Variants in ANTXRL observed in about 807,000 individuals in gnomAD.
ANTXRL encodes the protein anthrax toxin receptor-like.
Under a neutral mutation model 75.4 loss-of-function variants are expected in ANTXRL, and 63 were observed. The observed-to-expected ratio is 0.84, with a 90% CI of 0.68 to 1.03. ANTXRL has a LOEUF of 1.03. Ranked by LOEUF, ANTXRL falls within the 50% of genes least tolerant of loss-of-function variation. The probability of loss-of-function intolerance (pLI) is 0.00; values close to 1 mark genes in which losing one functional copy is unlikely to be tolerated. For synonymous variants in ANTXRL, 335 were observed against 291.3 expected (o/e 1.15, Z -1.53); for missense variants, 797 against 789.4 (o/e 1.01, Z -0.12).
At chr10:46,325,169 C>T (rs188797537) in intron 16 of ANTXRL, among the ~76,000 whole-genome samples, 50 of 152,108 alleles carry the variant, frequency 3.3e-4, no homozygotes, top group Non-Finnish European at 5.9e-4. Context: ...ATCCCTGAGC[C>T]CTGTCTATTT....
chr10:46,304,641 C>G lies in ANTXRL; in HGVS notation c.895+1821C>G, dbSNP rs3013797. Among the ~76,000 whole-genome samples, 815 of 152,246 alleles carry G rather than the reference C, an allele frequency of 5.4e-3. 13 individuals carry two copies. Among genetic ancestry groups the G allele is most frequent in the African/African-American group, 0.019 (775 of 41,504 alleles). On this transcript the variant is annotated intron_variant, in intron 10 of 16. Coordinates refer to ENST00000620264, the MANE Select transcript of ANTXRL (RefSeq NM_001278688.3). ...TGTAGCCTTTCTTAGCCCTATTTGT[C>G]ATGGATTTTATTTTATTTTTTAACA... is the stretch of plus-strand genomic sequence containing the variant.
intron 16 of ANTXRL, among the ~76,000 whole-genome samples, chr10:46,328,973 A>G (rs533155348): frequency 6.6e-6 from 1 of 152,274 alleles, no homozygotes; most frequent in African/African-American, 2.4e-5. Context: ...GATCATGAGC[A>G]TAAGAAGCCA....
At chr10:46,303,982 G>C (rs1437249819) in intron 10 of ANTXRL, among the ~76,000 whole-genome samples, 3 of 152,112 alleles carry the variant, frequency 2.0e-5, no homozygotes, top group Non-Finnish European at 4.4e-5. Context: ...CCCCCAAGAG[G>C]CTTCTTGACC....
intron 9 of ANTXRL, among the ~76,000 whole-genome samples, chr10:46,301,996 C>G (rs1475673047): frequency 2.6e-5 from 4 of 151,984 alleles, no homozygotes; most frequent in Non-Finnish European, 4.4e-5. Flanking sequence ...AGGGCAGGAG[C>G]TACAGTGGTG....
chr10:46,306,469 G>C (rs1321080192), intron 10 of ANTXRL, among the ~76,000 whole-genome samples: 1 of 152,084 alleles, frequency 6.6e-6, no homozygotes, highest in Non-Finnish European at 1.5e-5. Context: ...TTCCTCTCTG[G>C]TTCCCTCACC....
At chr10:46,310,322 G>A in intron 13 of ANTXRL, 139 bp from the exon 14 acceptor site, 1 of 805,370 alleles carries the variant, frequency 1.2e-6, no homozygotes, top group Middle Eastern at 2.2e-4. Context: ...AAGTTCACAG[G>A]CTCAGGGTGG....
intron 16 of ANTXRL, among the ~76,000 whole-genome samples, chr10:46,326,622 C>T (rs1267413750): frequency 2.6e-5 from 4 of 152,084 alleles, no homozygotes; most frequent in Admixed American, 2.6e-4. Context: ...GCCTTATAGT[C>T]TGGGTGGTGC....
chr10:46,325,325 C>T (rs942465310), intron 16 of ANTXRL, among the ~76,000 whole-genome samples: 1 of 152,104 alleles, frequency 6.6e-6, no homozygotes, highest in Non-Finnish European at 1.5e-5. Context: ...AAGGCATCTA[C>T]CTTGGGGTAA....
chr10:46,308,429 TC>T (rs1838228064), intron 12 of ANTXRL: 1 of 95,946 alleles, frequency 1.0e-5, no homozygotes, highest in Non-Finnish European at 2.2e-5. Flanking sequence ...CCTCCCCTCC[TC>T]TCCACTCCCC....
intron 14 of ANTXRL, among the ~76,000 whole-genome samples, chr10:46,310,764 T>C (rs547717652): frequency 1.3e-5 from 2 of 152,192 alleles, no homozygotes; most frequent in African/African-American, 2.4e-5. Context: ...TGATCTGTCC[T>C]GAATAAATGG....
rs1330261480 is a variant in ANTXRL, at chr10:46,304,186, G to C, written c.895+1366G>C. Among the ~76,000 whole-genome samples, 4 of 152,102 alleles carry C rather than the reference G, an allele frequency of 2.6e-5. No homozygotes were observed. In the East Asian group the frequency reaches 5.8e-4, roughly 22 times the overall value. ...TTACTGAGCACTTATATCAGATATC[G>C]TGCCAAGTGCCTTATGCACACTATC... On this transcript the variant is annotated intron_variant, in intron 10 of 16. Transcript: ENST00000620264.
At chr10:46,311,084 G>A (rs1838393010) in intron 14 of ANTXRL, among the ~76,000 whole-genome samples, 2 of 152,200 alleles carry the variant, frequency 1.3e-5, no homozygotes, top group Admixed American at 6.5e-5. Flanking sequence ...CCACCCCAGG[G>A]GCCATGGGCA....
intron 7 of ANTXRL, 44 bp downstream of exon 7, chr10:46,297,518 G>A (rs782643459): frequency 6.5e-7 from 1 of 1,528,256 alleles, no homozygotes; most frequent in Non-Finnish European, 8.8e-7. Flanking sequence ...AAGCCTAGTG[G>A]TCACTTTCGA....
intron 10 of ANTXRL, among the ~76,000 whole-genome samples, chr10:46,304,973 T>A (rs1200697493): frequency 3.3e-5 from 5 of 152,186 alleles, no homozygotes; most frequent in African/African-American, 1.2e-4. Flanking sequence ...GGGGAGCCCA[T>A]GCCACAGCTG....
At chr10:46,304,038 AT>A (rs769128548) in intron 10 of ANTXRL, among the ~76,000 whole-genome samples, 62 of 152,268 alleles carry the variant, frequency 4.1e-4, no homozygotes, top group Non-Finnish European at 7.9e-4. Context: ...TGAGCCTGTC[AT>A]CCCCACATTC....
intron 12 of ANTXRL, chr10:46,308,439 C>A (rs781914659): frequency 1.1e-4 from 47 of 423,542 alleles, no homozygotes; most frequent in Middle Eastern, 3.4e-4. Flanking sequence ...TCTCCACTCC[C>A]CTCCCCTCCC....
At chr10:46,317,558 A>T (rs1164252027) in intron 16 of ANTXRL, among the ~76,000 whole-genome samples, 1 of 152,186 alleles carries the variant, frequency 6.6e-6, no homozygotes, top group African/African-American at 2.4e-5. Context: ...TGGCAAAGCC[A>T]GGCTGGCTGT....
upstream of ANTXRL, chr10:46,286,919 C>T (rs1301161588): frequency 2.8e-6 from 1 of 355,170 alleles, no homozygotes; most frequent in South Asian, 3.5e-5. Context: ...TCCTGTGCCT[C>T]CCCCTGATGT....
At chr10:46,291,838 C>T (rs1262548895) in intron 1 of ANTXRL, among the ~76,000 whole-genome samples, 1 of 152,124 alleles carries the variant, frequency 6.6e-6, no homozygotes, top group Non-Finnish European at 1.5e-5. Context: ...TCCTCAGTCC[C>T]AGGCAGATGG....
Sources: gnomAD v4.1 joint callset for allele counts (sites outside exome capture counted in the v4.1 genomes callset) on GRCh38, gnomAD v4.1.1 for gene constraint, MANE v1.5 for transcripts, NCBI Gene and HGNC (gene_info 2026-07-23, HGNC 2026-07-21) for gene names.